CYP2J2: variants seen among roughly 807,000 people sequenced by gnomAD.
The protein encoded by CYP2J2 is cytochrome P450 2J2.
In CYP2J2, 41 loss-of-function variants were observed where a neutral mutation model predicts 48.8. The observed-to-expected ratio is 0.84, with a 90% CI of 0.66 to 1.09. CYP2J2 has a LOEUF of 1.09. CYP2J2 is among the 50% of genes least tolerant of loss of function. The pLI is 0.00. For synonymous variants in CYP2J2, 221 were observed against 227.1 expected (o/e 0.97, Z 0.24); for missense variants, 644 against 617.3 (o/e 1.04, Z -0.46).
At chr1:59,939,788 C>A in the CYP2J2 span, among the ~76,000 whole-genome samples, 1 of 152,190 alleles carries the variant, frequency 6.6e-6, no homozygotes, top group Admixed American at 6.5e-5. Context: ...ACTAAAACCA[C>A]GAGACATAGC....
the CYP2J2 span, among the ~76,000 whole-genome samples, chr1:59,961,586 T>C: frequency 6.6e-6 from 1 of 152,088 alleles, no homozygotes; most frequent in African/African-American, 2.4e-5. Context: ...ATCTTAAACA[T>C]AGAGTTACCA....
intron 1 of CYP2J2, among the ~76,000 whole-genome samples, chr1:59,918,544 T>A (rs1644486050): frequency 6.6e-6 from 1 of 152,132 alleles, no homozygotes; most frequent in Admixed American, 6.5e-5. Flanking sequence ...TGTCTAACAA[T>A]TCTTACGTGC....
At chr1:59,952,750 C>T in the CYP2J2 span, among the ~76,000 whole-genome samples, 1 of 152,176 alleles carries the variant, frequency 6.6e-6, no homozygotes, top group African/African-American at 2.4e-5. Context: ...GTTCATCCAA[C>T]AAATATGTGT....
intron 1 of CYP2J2, among the ~76,000 whole-genome samples, chr1:59,917,537 G>A (rs11572236): frequency 0.051 from 7,770 of 152,232 alleles, 459 homozygotes; most frequent in African/African-American, 0.14. Flanking sequence ...GGACAAAGAC[G>A]TGAGCCCAAG....
At chr1:59,898,271 A>C (rs1459372198) in intron 8 of CYP2J2, among the ~76,000 whole-genome samples, 1 of 152,206 alleles carries the variant, frequency 6.6e-6, no homozygotes, top group Non-Finnish European at 1.5e-5. Context: ...GTCAGTTCCC[A>C]GTCTGGACCT....
At chr1:59,956,534 T>C in the CYP2J2 span, among the ~76,000 whole-genome samples, 9 of 152,276 alleles carry the variant, frequency 5.9e-5, no homozygotes, top group South Asian at 1.2e-3. Flanking sequence ...CTAATTTTAA[T>C]AGACGAAGTA....
intron 4 of CYP2J2, 108 bp from the exon 5 acceptor site, chr1:59,910,068 T>A: frequency 1.2e-6 from 1 of 843,544 alleles, no homozygotes; most frequent in Non-Finnish European, 1.8e-6. Flanking sequence ...TGCTCACACT[T>A]AAACCTTGGT....
chr1:59,946,804 C>T, the CYP2J2 span, among the ~76,000 whole-genome samples: 2 of 152,244 alleles, frequency 1.3e-5, no homozygotes, highest in East Asian at 3.9e-4. Context: ...AGCACCAATA[C>T]AATTTCTAAA....
At chr1:59,940,834 G>T in the CYP2J2 span, among the ~76,000 whole-genome samples, 3 of 152,156 alleles carry the variant, frequency 2.0e-5, no homozygotes, top group African/African-American at 4.8e-5. Flanking sequence ...GTCATTTTTA[G>T]CAATATGGAT....
At chr1:59,893,912 C>A (rs771243006) in intron 8 of CYP2J2, 83 bp from the exon 9 acceptor site, 3 of 1,367,140 alleles carry the variant, frequency 2.2e-6, no homozygotes, top group Admixed American at 2.4e-5. Context: ...ATCATATCCC[C>A]AAAAAAATGG....
At position 59,926,563 on chromosome 1, in the gene CYP2J2, C is replaced by G. The variant is rs563723716; in HGVS notation, c.184G>C (p.Glu62Gln). 2.5e-6 allele frequency: 4 copies of G among 1,614,130 alleles called. No homozygotes were observed. In the South Asian group the frequency reaches 3.3e-5, roughly 13 times the overall value. ...FLGNFFLVDF[E>Q]QSHLEVQLFV... is the part of the protein sequence containing the mutation. ...AGCTGAACCTCCAGGTGCGACTGCT[C>G]GAAGTCCACAAGGAAGAAGTTGCCA... Residue 62 changes from glutamate to glutamine, a missense_variant, in exon 1 of 9, where the codon GAG becomes CAG. By Grantham distance (29) the Glu-to-Gln change is conservative. Coordinates refer to ENST00000371204, the MANE Select transcript of CYP2J2 (RefSeq NM_000775.4).
chr1:59,916,073 T>C lies in CYP2J2; in HGVS notation c.238A>G (p.Ser80Gly), dbSNP rs753240136. The C allele has an allele frequency of 6.2e-7, 1 of 1,610,994 alleles. No homozygotes were observed. The highest frequency in any genetic ancestry group is 1.3e-5 in the African/African-American group (1 of 74,694). ...GCAGATATGTCACCAAGCTCCAAGC[T>C]AAAAAGGTTCCCATATTTCTTCACA... ...LFVKKYGNLFSLELGDISAVL... is the reference protein window; with the variant it reads ...LFVKKYGNLFGLELGDISAVL... The change falls in exon 2 of 9, where the codon AGC becomes GGC. Residue 80 changes from serine to glycine, a missense_variant. Ser to Gly is a moderately conservative substitution (Grantham distance 56). Transcript: ENST00000371204.
chr1:59,920,185 C>T (rs2102136063), intron 1 of CYP2J2, among the ~76,000 whole-genome samples: 1 of 151,114 alleles, frequency 6.6e-6, no homozygotes, highest in South Asian at 2.1e-4. Flanking sequence ...AACAGACAAA[C>T]AAAAACCAAC....
intron 2 of CYP2J2, among the ~76,000 whole-genome samples, chr1:59,915,199 G>A (rs954116352): frequency 1.3e-5 from 2 of 152,192 alleles, no homozygotes; most frequent in Admixed American, 1.3e-4. Context: ...TAAATACTGA[G>A]GGAAGTCAGA....
chr1:59,942,077 T>A, the CYP2J2 span, among the ~76,000 whole-genome samples: 3 of 152,226 alleles, frequency 2.0e-5, no homozygotes, highest in South Asian at 2.1e-4. Flanking sequence ...CCTTTTTTTA[T>A]TTTTTGTATT....
At chr1:59,964,654 G>A in the CYP2J2 span, among the ~76,000 whole-genome samples, 1 of 152,186 alleles carries the variant, frequency 6.6e-6, no homozygotes, top group Non-Finnish European at 1.5e-5. Context: ...TTTTCCTCCT[G>A]AAAATAAAGG....
At chr1:59,951,526 G>A in the CYP2J2 span, among the ~76,000 whole-genome samples, 1 of 152,142 alleles carries the variant, frequency 6.6e-6, no homozygotes, top group Non-Finnish European at 1.5e-5. Flanking sequence ...CTGTAAGCCT[G>A]TTAAGAACCC....
chr1:59,960,608 G>A, the CYP2J2 span, among the ~76,000 whole-genome samples: 24 of 152,238 alleles, frequency 1.6e-4, no homozygotes, highest in African/African-American at 4.8e-4. Flanking sequence ...GGATTTAGGC[G>A]GAGGCGGGTG....
At chr1:59,934,591 A>T in the CYP2J2 span, among the ~76,000 whole-genome samples, 3 of 152,144 alleles carry the variant, frequency 2.0e-5, no homozygotes, top group Non-Finnish European at 4.4e-5. Flanking sequence ...GTGGGTGAAC[A>T]GGTATATGAA....
Sources: allele counts gnomAD v4.1 joint callset (sites outside exome capture counted in the v4.1 genomes callset), GRCh38; gene constraint gnomAD v4.1.1; transcripts MANE v1.5; gene names NCBI Gene and HGNC (gene_info 2026-07-23, HGNC 2026-07-21).